Variants in LRBA observed in about 807,000 individuals in gnomAD.
The protein encoded by LRBA is LPS responsive beige-like anchor protein.
A neutral mutation model predicts 330.0 loss-of-function variants in LRBA; 176 were observed. The ratio of observed to expected loss-of-function variants is 0.53; its 90% confidence interval spans 0.47 to 0.60. The LOEUF is 0.60. LRBA is among the 20% of genes least tolerant of loss of function. The pLI is 0.00. For synonymous variants in LRBA, 1,230 were observed against 1,193.0 expected (o/e 1.03, Z -0.64); for missense variants, 3,259 against 3,444.8 (o/e 0.95, Z 1.35).
chr4:150,470,654 T>C (rs1383852098), intron 43 of LRBA, among the ~76,000 whole-genome samples: 1 of 152,128 alleles, frequency 6.6e-6, no homozygotes, highest in Non-Finnish European at 1.5e-5. Context: ...TCTTTTTCCA[T>C]TAATTGCACC....
At chr4:150,924,749 A>G (rs1472713232) in intron 4 of LRBA, among the ~76,000 whole-genome samples, 1 of 152,212 alleles carries the variant, frequency 6.6e-6, no homozygotes, top group East Asian at 1.9e-4. Flanking sequence ...TGAGTATCTG[A>G]GCAAGGCCTT....
At chr4:150,734,355 T>G (rs1358295999) in intron 36 of LRBA, among the ~76,000 whole-genome samples, 4 of 152,134 alleles carry the variant, frequency 2.6e-5, no homozygotes, top group African/African-American at 4.8e-5. Flanking sequence ...ATTATGTTAT[T>G]TAAAGTTATA....
At chr4:150,847,577 G>T (rs549128456) in intron 26 of LRBA, among the ~76,000 whole-genome samples, 2 of 152,070 alleles carry the variant, frequency 1.3e-5, no homozygotes, top group Non-Finnish European at 2.9e-5. Flanking sequence ...GTTTTCATAG[G>T]TGCTTTATCT....
chr4:150,942,197 G>A (rs924328907), intron 2 of LRBA, among the ~76,000 whole-genome samples: 2 of 152,014 alleles, frequency 1.3e-5, no homozygotes, highest in East Asian at 1.9e-4. Flanking sequence ...TGTTTTCACC[G>A]AATACAACAA....
At chr4:150,886,879 T>C (rs1003227552) in intron 17 of LRBA, among the ~76,000 whole-genome samples, 3 of 152,124 alleles carry the variant, frequency 2.0e-5, no homozygotes, top group Non-Finnish European at 2.9e-5. Flanking sequence ...ACAACAGATG[T>C]CAATGAGATG....
At chr4:150,843,699 G>C (rs908936587) in intron 28 of LRBA, among the ~76,000 whole-genome samples, 6 of 152,052 alleles carry the variant, frequency 3.9e-5, no homozygotes, top group African/African-American at 7.2e-5. Context: ...AAGACTGCTG[G>C]GTTTGAATCC....
chr4:150,432,430 T>G (rs1436976164), intron 46 of LRBA, among the ~76,000 whole-genome samples: 8 of 149,774 alleles, frequency 5.3e-5, no homozygotes, highest in Non-Finnish European at 8.9e-5. Flanking sequence ...TATTTACATA[T>G]ATTACAGTAA....
At chr4:150,811,545 C>T (rs1043160858) in intron 31 of LRBA, among the ~76,000 whole-genome samples, 6 of 152,082 alleles carry the variant, frequency 3.9e-5, no homozygotes, top group African/African-American at 1.4e-4. Flanking sequence ...CTCTATTGCC[C>T]AGGCTGGAGT....
intron 28 of LRBA, among the ~76,000 whole-genome samples, chr4:150,832,334 C>T (rs62346350): frequency 0.098 from 14,952 of 152,184 alleles, 1,373 homozygotes; most frequent in African/African-American, 0.25. Flanking sequence ...CAGTGGCTCA[C>T]ACCTGTAATC....
chr4:150,504,222 A>G (rs1045380178), intron 40 of LRBA, among the ~76,000 whole-genome samples: 3 of 152,180 alleles, frequency 2.0e-5, no homozygotes, highest in East Asian at 3.9e-4. Flanking sequence ...CCAACATTCA[A>G]ATTCAGGAAA....
intron 37 of LRBA, among the ~76,000 whole-genome samples, chr4:150,617,841 C>G (rs997365394): frequency 6.6e-6 from 1 of 152,148 alleles, no homozygotes; most frequent in Non-Finnish European, 1.5e-5. Context: ...CACAGTGGCT[C>G]ATGACTGAAA....
At chr4:150,739,772 A>C (rs1206534458) in intron 35 of LRBA, among the ~76,000 whole-genome samples, 2 of 152,200 alleles carry the variant, frequency 1.3e-5, no homozygotes, top group Non-Finnish European at 2.9e-5. Flanking sequence ...AGAGCCCCAG[A>C]CAACAGCCCG....
intron 36 of LRBA, among the ~76,000 whole-genome samples, chr4:150,703,589 AAAGT>A (rs1354672085): frequency 6.6e-6 from 1 of 152,222 alleles, no homozygotes; most frequent in African/African-American, 2.4e-5. Flanking sequence ...TTAATGGTTA[AAAGT>A]AATTCTCACA....
intron 53 of LRBA, among the ~76,000 whole-genome samples, chr4:150,288,333 C>T (rs145162462): frequency 2.6e-5 from 4 of 151,688 alleles, no homozygotes; most frequent in East Asian, 2.0e-4. Context: ...ATTGGCCGGG[C>T]GCAATGGCTC....
intron 2 of LRBA, among the ~76,000 whole-genome samples, chr4:150,963,147 T>A (rs1319141230): frequency 1.3e-5 from 2 of 148,412 alleles, no homozygotes; most frequent in African/African-American, 5.3e-5. Flanking sequence ...ATGAATTTAA[T>A]CCCTCTCCCT....
intron 38 of LRBA, among the ~76,000 whole-genome samples, chr4:150,593,462 C>T (rs1773134392): frequency 6.6e-6 from 1 of 152,094 alleles, no homozygotes; most frequent in South Asian, 2.1e-4. Flanking sequence ...CAATTAGAGT[C>T]AGGATTTAAA....
At chr4:150,940,434 G>A (rs1735545574) in intron 2 of LRBA, among the ~76,000 whole-genome samples, 1 of 152,084 alleles carries the variant, frequency 6.6e-6, no homozygotes, top group Admixed American at 6.6e-5. Flanking sequence ...TTAGAATAAA[G>A]ATAATTGTTT....
At chr4:150,840,583 G>T (rs1266693935) in intron 28 of LRBA, 1 of 153,020 alleles carries the variant, frequency 6.5e-6, no homozygotes, top group Non-Finnish European at 1.5e-5. Context: ...TGTCTTAAAT[G>T]GGTGTGGTTT....
intron 22 of LRBA, among the ~76,000 whole-genome samples, chr4:150,866,218 C>T (rs971276110): frequency 6.6e-6 from 1 of 152,120 alleles, no homozygotes; most frequent in Non-Finnish European, 1.5e-5. Flanking sequence ...ATTCAAAAAA[C>T]ATACACCGTA....
Sources: allele counts gnomAD v4.1 joint callset (sites outside exome capture counted in the v4.1 genomes callset), GRCh38; gene constraint gnomAD v4.1.1; transcripts MANE v1.5; gene names NCBI Gene and HGNC (gene_info 2026-07-23, HGNC 2026-07-21).